PRKG2: variants seen among roughly 807,000 people sequenced by gnomAD.
PRKG2 encodes the protein cGMP-dependent protein kinase 2.
In PRKG2, 33 loss-of-function variants were observed where a neutral mutation model predicts 97.2. The ratio of observed to expected loss-of-function variants is 0.34; its 90% CI spans 0.26 to 0.45. The LOEUF (loss-of-function observed/expected upper bound fraction) is 0.45, where lower values mean the gene tolerates loss of function less well. PRKG2 is among the 20% of genes least tolerant of loss of function. PRKG2 has a pLI of 1.00. For synonymous variants in PRKG2, 330 were observed against 321.8 expected, an observed-to-expected ratio of 1.03 and a Z score of -0.27; for missense variants, 638 against 900.0, an observed-to-expected ratio of 0.71 and a Z score of 3.73.
chr4:81,129,591 C>T lies in PRKG2; in HGVS notation c.1776+5564G>A, dbSNP rs373397700. Reference sequence around the variant, plus strand: ...TGATCCCTTTACCACTATGTAATGCCCTTCTTTGTCTTTTTTTATCTTTGT... The same window carrying T: ...TGATCCCTTTACCACTATGTAATGCTCTTCTTTGTCTTTTTTTATCTTTGT... On this transcript the variant is annotated intron_variant, in intron 14 of 18. Transcript: ENST00000264399. Among the ~76,000 whole-genome samples the T allele has an allele frequency of 3.9e-5, 6 of 152,094 alleles. No individual in the cohort carries two copies. In the East Asian group the frequency reaches 9.7e-4, roughly 25 times the overall value.
intron 3 of PRKG2, chr4:81,174,056 G>T (rs1376189696): frequency 6.6e-6 from 1 of 151,966 alleles, no homozygotes; most frequent in Admixed American, 6.6e-5. Context: ...GAAAAAAATT[G>T]AGTAGTCATT....
chr4:81,154,877 T>A (rs1309748947), intron 6 of PRKG2, among the ~76,000 whole-genome samples: 1 of 151,834 alleles, frequency 6.6e-6, no homozygotes, highest in African/African-American at 2.4e-5. Context: ...TTGAAAAAAA[T>A]TTAGAAGAAT....
At chr4:81,101,229 G>A (rs913924130) in intron 17 of PRKG2, among the ~76,000 whole-genome samples, 19 of 151,862 alleles carry the variant, frequency 1.3e-4, no homozygotes, top group African/African-American at 4.6e-4. Context: ...TATACCCAAA[G>A]GATTATAAAT....
intron 14 of PRKG2, 52 bp downstream of exon 14, chr4:81,135,103 T>C: frequency 6.7e-7 from 1 of 1,499,196 alleles, no homozygotes; most frequent in Non-Finnish European, 9.0e-7. Context: ...AACACAACTT[T>C]TGCCAGGGGA....
intron 5 of PRKG2, among the ~76,000 whole-genome samples, chr4:81,167,830 C>T (rs1358201988): frequency 1.3e-5 from 2 of 151,534 alleles, no homozygotes; most frequent in Non-Finnish European, 2.9e-5. Context: ...GGAATGATCA[C>T]TAAACTTCAG....
At chr4:81,139,781 C>CAAAA (rs548249378) in intron 12 of PRKG2, among the ~76,000 whole-genome samples, 2 of 75,330 alleles carry the variant, frequency 2.7e-5, no homozygotes, top group African/African-American at 8.0e-5. Flanking sequence ...TCTCAAAAGA[C>CAAAA]AAAAAAAAAA....
chr4:81,105,689 ATAATT>A (rs1298534633), intron 16 of PRKG2, 119 bp downstream of exon 16: 2 of 1,345,454 alleles, frequency 1.5e-6, no homozygotes, highest in African/African-American at 2.9e-5. Context: ...TCCTTCAAAT[ATAATT>A]TGCCTATATA....
intron 15 of PRKG2, among the ~76,000 whole-genome samples, chr4:81,107,694 G>A (rs1009649564): frequency 1.3e-5 from 2 of 151,878 alleles, no homozygotes; most frequent in Non-Finnish European, 2.9e-5. Context: ...TGTATTTTTA[G>A]TGGAGACGGA....
intron 1 of PRKG2, among the ~76,000 whole-genome samples, chr4:81,205,480 A>G (rs1349396984): frequency 2.6e-5 from 4 of 152,244 alleles, no homozygotes; most frequent in Non-Finnish European, 4.4e-5. Context: ...CACAACTTTC[A>G]TAGCTCCCCA....
intron 1 of PRKG2, among the ~76,000 whole-genome samples, chr4:81,210,976 T>G (rs1753941901): frequency 6.6e-6 from 1 of 152,116 alleles, no homozygotes; most frequent in Admixed American, 6.6e-5. Flanking sequence ...ATTTCAACTG[T>G]ATAGCATTCT....
At chr4:81,144,150 G>T in intron 10 of PRKG2, 82 bp downstream of exon 10, 1 of 1,288,680 alleles carries the variant, frequency 7.8e-7, no homozygotes, top group Non-Finnish European at 1.1e-6. Flanking sequence ...TTACCACACA[G>T]CAAGTCACAC....
At chr4:81,168,520 T>G (rs1236709760) in intron 5 of PRKG2, among the ~76,000 whole-genome samples, 1 of 152,100 alleles carries the variant, frequency 6.6e-6, no homozygotes, top group Non-Finnish European at 1.5e-5. Context: ...GCACACTGGT[T>G]TTTTTAGGTA....
At chr4:81,213,700 G>T (rs1400778853) in intron 1 of PRKG2, among the ~76,000 whole-genome samples, 2 of 152,196 alleles carry the variant, frequency 1.3e-5, no homozygotes, top group Admixed American at 6.5e-5. Context: ...CATGGGAGAA[G>T]AAGAGATAAT....
At chr4:81,181,871 A>G (rs1751443739) in intron 2 of PRKG2, among the ~76,000 whole-genome samples, 2 of 151,962 alleles carry the variant, frequency 1.3e-5, no homozygotes. Context: ...TCAAGTATGG[A>G]AAATTGTGAT....
At chr4:81,114,029 T>A (rs1260564686) in intron 14 of PRKG2, among the ~76,000 whole-genome samples, 4 of 152,118 alleles carry the variant, frequency 2.6e-5, no homozygotes, top group Admixed American at 2.0e-4. Flanking sequence ...CTAAGAGTAT[T>A]TAGTAGAAGG....
chr4:81,183,484 T>G (rs926823248), intron 2 of PRKG2, among the ~76,000 whole-genome samples: 1 of 152,118 alleles, frequency 6.6e-6, no homozygotes, highest in African/African-American at 2.4e-5. Context: ...TCCCATGGTC[T>G]TCACAACCTG....
chr4:81,187,302 G>A (rs1204885848), intron 2 of PRKG2, among the ~76,000 whole-genome samples: 1 of 152,164 alleles, frequency 6.6e-6, no homozygotes, highest in East Asian at 1.9e-4. Context: ...TCATCCTTGG[G>A]ATGCAAGGCT....
At chr4:81,102,400 A>G (rs1742894096) in intron 17 of PRKG2, among the ~76,000 whole-genome samples, 2 of 152,332 alleles carry the variant, frequency 1.3e-5, no homozygotes, top group South Asian at 4.1e-4. Flanking sequence ...AAGAATGTAT[A>G]TTGGAAGAAT....
rs747364669 is a variant in PRKG2 at position 81,205,008 on chromosome 4, G to A, written c.40C>T (p.Pro14Ser). ...GSVKPKHSKHPDGHSGNLTTD... is the reference protein window; with the variant it reads ...GSVKPKHSKHSDGHSGNLTTD... ...GTGAGGTTCCCAGAGTGTCCATCTG[G>A]GTGCTTAGAATGTTTAGGTTTCACT... Residue 14 changes from proline (P) to serine (S), a missense_variant, in exon 2 of 19, where the codon CCA (proline) becomes TCA (serine). Transcript: ENST00000264399. 6.2e-7 allele frequency: 1 copy of A among 1,613,212 alleles called. No individual in the cohort carries two copies. The highest frequency in any genetic ancestry group is 8.5e-7 in the Non-Finnish European group (1 of 1,179,720).
Sources: allele counts gnomAD v4.1 joint callset (sites outside exome capture counted in the v4.1 genomes callset), GRCh38; gene constraint gnomAD v4.1.1; transcripts MANE v1.5; gene names NCBI Gene and HGNC (gene_info 2026-07-23, HGNC 2026-07-21).